Variants in TLN2 observed in about 807,000 individuals in gnomAD.
The protein encoded by TLN2 is talin 2.
TLN2 carries 118 observed loss-of-function variants against 294.7 expected under a neutral mutation model. The observed-to-expected ratio is 0.40, with a 90% CI of 0.34 to 0.47. TLN2 has a LOEUF of 0.47. Among genes scored for constraint, TLN2 ranks in the 20% least tolerant of loss-of-function variants. TLN2 has a pLI of 0.84. For synonymous variants in TLN2, 1,431 were observed against 1,304.5 expected, an observed-to-expected ratio of 1.10 and a Z score of -2.09; for missense variants, 3,083 against 3,282.2, an observed-to-expected ratio of 0.94 and a Z score of 1.48.
chr15:62,390,760 T>A (rs1201666132), intron 1 of TLN2, 75 bp downstream of exon 1: 3 of 152,176 alleles, frequency 2.0e-5, no homozygotes, highest in Non-Finnish European at 4.4e-5. Context: ...TCGTGTCTTT[T>A]CCCTCCCCTC....
chr15:62,395,021 T>A (rs2032417623), intron 1 of TLN2, among the ~76,000 whole-genome samples: 2 of 152,162 alleles, frequency 1.3e-5, no homozygotes, highest in South Asian at 4.1e-4. Flanking sequence ...GGAATGAACA[T>A]TTGTATTTTC....
chr15:62,766,274 T>C, intron 40 of TLN2, 47 bp from the exon 41 acceptor site: 2 of 1,520,086 alleles, frequency 1.3e-6, no homozygotes, highest in Non-Finnish European at 1.8e-6. Flanking sequence ...AGTGCAGCTC[T>C]GTGGGGAGCT....
intron 22 of TLN2, among the ~76,000 whole-genome samples, chr15:62,712,752 G>GTGCA (rs1268239377): frequency 5.3e-5 from 8 of 152,126 alleles, no homozygotes; most frequent in Non-Finnish European, 1.2e-4. Flanking sequence ...GCATGCGTGC[G>GTGCA]TGCATGTGTT....
At chr15:62,708,946 A>G (rs1412868605) in intron 21 of TLN2, 150 bp downstream of exon 21, 1 of 923,276 alleles carries the variant, frequency 1.1e-6, no homozygotes, top group Non-Finnish European at 1.6e-6. Context: ...AGCTCAGAAA[A>G]AGATATAAGA....
At chr15:62,695,557 G>A (rs1303231612) in intron 14 of TLN2, among the ~76,000 whole-genome samples, 2 of 152,162 alleles carry the variant, frequency 1.3e-5, no homozygotes, top group African/African-American at 4.8e-5. Flanking sequence ...CCCATAGTAC[G>A]CTGCTAGAAA....
intron 42 of TLN2, among the ~76,000 whole-genome samples, chr15:62,775,803 C>A (rs370707666): frequency 1.4e-4 from 21 of 152,242 alleles, no homozygotes; most frequent in African/African-American, 5.1e-4. Flanking sequence ...GACCCAGTGC[C>A]TGGATGTAAT....
intron 1 of TLN2, among the ~76,000 whole-genome samples, chr15:62,518,231 G>T (rs1241879485): frequency 1.3e-5 from 2 of 152,132 alleles, no homozygotes; most frequent in Non-Finnish European, 2.9e-5. Flanking sequence ...TAGAGTCGGG[G>T]TTTCACCATG....
intron 46 of TLN2, among the ~76,000 whole-genome samples, chr15:62,793,823 GT>G (rs1290826071): frequency 2.7e-5 from 3 of 111,382 alleles, no homozygotes; most frequent in Non-Finnish European, 4.4e-5. Flanking sequence ...GCTCTGTCCT[GT>G]TTAGAAACTT....
intron 2 of TLN2, among the ~76,000 whole-genome samples, chr15:62,591,819 A>G (rs1041460741): frequency 1.6e-4 from 24 of 152,144 alleles, no homozygotes; most frequent in East Asian, 7.7e-4. Context: ...GCTGATGGCA[A>G]TGGGATCAGG....
intron 1 of TLN2, among the ~76,000 whole-genome samples, chr15:62,452,929 T>A (rs2036243909): frequency 6.6e-6 from 1 of 152,164 alleles, no homozygotes; most frequent in Non-Finnish European, 1.5e-5. Context: ...TTTAGTGTTT[T>A]CCCTGGAATG....
At chr15:62,703,627 G>GCGCACA (rs1200601805) in intron 19 of TLN2, among the ~76,000 whole-genome samples, 2 of 116,730 alleles carry the variant, frequency 1.7e-5, no homozygotes, top group African/African-American at 6.3e-5. Context: ...ACACACGCGC[G>GCGCACA]CACACACACA....
intron 1 of TLN2, among the ~76,000 whole-genome samples, chr15:62,442,040 A>C (rs1046184950): frequency 6.6e-6 from 1 of 152,142 alleles, no homozygotes; most frequent in African/African-American, 2.4e-5. Flanking sequence ...GAGTTGTTCT[A>C]ACAAATTAAG....
rs5813151 is a variant in TLN2 at position 62,554,994 on chromosome 15, G to GAA, written c.-237-34683_-237-34682dup. On this transcript the variant is annotated intron_variant, in intron 1 of 58. Transcript: ENST00000636159. ...GAAGTTTATAAATTCTATTTAGAAA[G>GAA]AAAAAAAAAAACACCCTTCTCACTG... is the stretch of plus-strand genomic sequence containing the variant. Among the ~76,000 whole-genome samples the GAA allele has an allele frequency of 3.3e-3, 485 of 148,106 alleles. 4 individuals are homozygous for GAA. Among genetic ancestry groups the GAA allele is most frequent in the South Asian group, 0.016 (76 of 4,676 alleles).
In TLN2 at chr15:62,755,461, G is replaced by A. The variant is rs368164504; in HGVS notation, c.4477-71G>A. On this transcript the variant is annotated intron_variant, in intron 36 of 58. Coordinates refer to ENST00000636159, the MANE Select transcript of TLN2 (RefSeq NM_015059.3). ...ACATGTGAGTTGAACAGGAACCCAG[G>A]GCTGAGGACCGGGGTGGACCCCTCT... is the stretch of plus-strand genomic sequence containing the variant. 5.5e-4 allele frequency: 836 copies of A among 1,526,506 alleles called. 9 individuals carry two copies. The South Asian group carries it at 0.01, about 19-fold the overall frequency. 94.6% of individuals were successfully genotyped at this position (1,526,506 alleles called of 1,614,324 possible). A position where few individuals can be genotyped will look rare whatever the true frequency, so the allele number is the denominator to read the frequency against.
chr15:62,649,898 A>G (rs1216632878), intron 4 of TLN2, 186 bp from the exon 5 acceptor site: 7 of 559,548 alleles, frequency 1.3e-5, no homozygotes, highest in Non-Finnish European at 2.2e-5. Flanking sequence ...TGCTTCTGCA[A>G]CTCAACTCTT....
At chr15:62,447,762 G>A (rs1168816351) in intron 1 of TLN2, among the ~76,000 whole-genome samples, 1 of 152,242 alleles carries the variant, frequency 6.6e-6, no homozygotes, top group East Asian at 1.9e-4. Flanking sequence ...CAAAGTGCTA[G>A]GATTAGCCCG....
At chr15:62,520,669 C>T (rs1026934390) in intron 1 of TLN2, among the ~76,000 whole-genome samples, 4 of 152,104 alleles carry the variant, frequency 2.6e-5, no homozygotes, top group Admixed American at 6.6e-5. Flanking sequence ...GAAAGATAAC[C>T]GTATATGTTG....
At chr15:62,427,770 C>G (rs578079380) in intron 1 of TLN2, among the ~76,000 whole-genome samples, 5 of 152,290 alleles carry the variant, frequency 3.3e-5, no homozygotes, top group Admixed American at 2.0e-4. Flanking sequence ...AATTGGATCT[C>G]AGCTTTGGGG....
chr15:62,818,245 T>TCC (rs2067271923), intron 52 of TLN2, among the ~76,000 whole-genome samples: 2 of 152,210 alleles, frequency 1.3e-5, no homozygotes, highest in Admixed American at 6.5e-5. Context: ...TGATGCTTTG[T>TCC]CCCCTACTCA....
Sources: gnomAD v4.1 joint callset for allele counts (sites outside exome capture counted in the v4.1 genomes callset) on GRCh38, gnomAD v4.1.1 for gene constraint, MANE v1.5 for transcripts, NCBI Gene and HGNC (gene_info 2026-07-23, HGNC 2026-07-21) for gene names.